Variants in CLU observed in about 807,000 individuals in gnomAD.
CLU encodes the protein clusterin.
CLU carries 25 observed loss-of-function variants against 46.4 expected under a neutral mutation model. That is an observed-to-expected ratio of 0.54 (90% CI 0.39 to 0.75). The LOEUF is 0.75. Ranked by LOEUF, CLU falls within the 30% of genes least tolerant of loss-of-function variation. CLU has a pLI of 0.00. For synonymous variants in CLU, 235 were observed against 235.1 expected, an observed-to-expected ratio of 1.00 and a Z score of 0.00; for missense variants, 504 against 592.1, an observed-to-expected ratio of 0.85 and a Z score of 1.54.
In CLU at chr8:27,605,219, G is replaced by C. The variant is rs1407927190; in HGVS notation, c.534C>G (p.Asp178Glu). The change falls in exon 5 of 9, where the codon GAC (aspartate) becomes GAG (glutamate). Residue 178 changes from aspartate (D) to glutamate (E), a missense_variant. Around this residue, in one of 3 missense-constraint regions of CLU, gnomAD observed 428 missense variants for 484.0 expected, o/e 0.88. Coordinates refer to ENST00000316403, the MANE Select transcript of CLU (RefSeq NM_001831.4). The part of the protein sequence containing the change: ...QQTHMLDVMQ[D>E]HFSRASSIID... ...TGATGCTGGACGCGCGGCTGAAGTG[G>C]TCCTGCATGACATCCAGCATGTGCG... 5 of 1,614,204 alleles carry C rather than the reference G, an allele frequency of 3.1e-6. 1 individual carries two copies. In the South Asian group the frequency reaches 5.5e-5, roughly 18 times the overall value.
At position 27,605,044 on chromosome 8, in the gene CLU, G is replaced by A. The variant is rs371557794; in HGVS notation, c.709C>T (p.Pro237Ser). The A allele has an allele frequency of 3.7e-6, 6 of 1,614,092 alleles. No individual in the cohort carries two copies. ...TGGAACATGGCGTGGAAGTTCAGGG[G>A]CTCGTACGGAGAGAAGGGCATCAAG... is the stretch of plus-strand genomic sequence containing the variant. ...RSLMPFSPYE[P>S]LNFHAMFQPF... is the part of the protein sequence containing the mutation. The change falls in exon 5 of 9, where the codon CCC (proline) becomes TCC (serine). Residue 237 changes from proline to serine, a missense_variant. By Grantham distance (74) the Pro-to-Ser change is moderately conservative. Transcript: ENST00000316403.
At position 27,605,072 on chromosome 8, in the gene CLU, G is replaced by A; in HGVS notation, c.681C>T (p.Arg227=). Residue 227 remains arginine, a synonymous_variant, in exon 5 of 9, where the codon CGC becomes CGT. Transcript: ENST00000316403. ...CGTACGGAGAGAAGGGCATCAAGCTGCGGACGATGCGGGACTTGGGAAAGA... is the reference window on the plus strand; with the variant it reads ...CGTACGGAGAGAAGGGCATCAAGCTACGGACGATGCGGGACTTGGGAAAGA... The part of the protein sequence containing the change: ...HFFFPKSRIV[R]SLMPFSPYEP... 1 of 1,614,134 alleles carries A rather than the reference G, an allele frequency of 6.2e-7. No individual in the cohort carries two copies. Among genetic ancestry groups the A allele is most frequent in the South Asian group, 1.1e-5 (1 of 91,074 alleles).
chr8:27,606,632 G>C, intron 3 of CLU, 108 bp from the exon 4 acceptor site: 3 of 1,343,746 alleles, frequency 2.2e-6, no homozygotes, highest in Non-Finnish European at 3.2e-6. Context: ...CTTCCCATAG[G>C]CTGGCCACCC....
At chr8:27,609,475 G>A (rs1163576360) in intron 2 of CLU, among the ~76,000 whole-genome samples, 4 of 152,038 alleles carry the variant, frequency 2.6e-5, no homozygotes, top group Non-Finnish European at 5.9e-5. Flanking sequence ...TCTTTCTAGA[G>A]TTCAGTTTAA....
rs933050630 is a variant in CLU at position 27,597,919 on chromosome 8, C to G, written c.*322G>C. On this transcript the variant is annotated 3_prime_UTR_variant, in exon 9 of 9. Coordinates refer to ENST00000316403, the MANE Select transcript of CLU (RefSeq NM_001831.4). The stretch of plus-strand genomic sequence containing the variant: ...TTGTTTCTACTTATTTTCCATCCCC[C>G]CTGCCTGCCCCCCATAGCAAAATGA... 1.7e-5 allele frequency: 10 copies of G among 587,650 alleles called. No homozygotes were observed. The highest frequency in any genetic ancestry group is 2.9e-5 in the Non-Finnish European group (9 of 314,914). The allele number at this position is 587,650 out of a possible 1,614,324, so 36.4% of individuals were successfully genotyped here.
chr8:27,613,081 G>A (rs988997082), intron 1 of CLU, among the ~76,000 whole-genome samples: 3 of 152,034 alleles, frequency 2.0e-5, no homozygotes, highest in Admixed American at 6.5e-5. Flanking sequence ...GGCAGGGCTG[G>A]AGGCTTAAGA....
chr8:27,608,630 C>T (rs577511728), intron 3 of CLU: 20 of 531,482 alleles, frequency 3.8e-5, no homozygotes, highest in African/African-American at 1.5e-4. Flanking sequence ...GGGCCCCTGC[C>T]GCCACCCCAT....
chr8:27,605,044 G>T lies in CLU; in HGVS notation c.709C>A (p.Pro237Thr), dbSNP rs371557794. 6.2e-7 allele frequency: 1 copy of T among 1,613,974 alleles called. No individual in the cohort carries two copies. Among genetic ancestry groups the T allele is most frequent in the Non-Finnish European group, 8.5e-7 (1 of 1,180,022 alleles). The change falls in exon 5 of 9, where the codon CCC (proline) becomes ACC (threonine). Residue 237 changes from proline to threonine, a missense_variant. Transcript: ENST00000316403. Reference sequence around the variant, plus strand: ...TGGAACATGGCGTGGAAGTTCAGGGGCTCGTACGGAGAGAAGGGCATCAAG... The same window carrying T: ...TGGAACATGGCGTGGAAGTTCAGGGTCTCGTACGGAGAGAAGGGCATCAAG... ...RSLMPFSPYE[P>T]LNFHAMFQPF...
At position 27,598,124 on chromosome 8, in the gene CLU, TG is replaced by T; in HGVS notation, c.*116del. ...GAGAGGCTGGGCGGAGTTGGGGGCC[TG>T]GAGGCTGGGGCCTGGTTACTTGGTG... On this transcript the variant is annotated 3_prime_UTR_variant, in exon 9 of 9. Coordinates refer to ENST00000316403, the MANE Select transcript of CLU (RefSeq NM_001831.4). 1 of 1,013,770 alleles carries T rather than the reference TG, an allele frequency of 9.9e-7. No individual in the cohort carries two copies. Among genetic ancestry groups the T allele is most frequent in the African/African-American group, 1.6e-5 (1 of 62,884 alleles). The allele number at this position is 1,013,770 out of a possible 1,614,324, so 62.8% of individuals were successfully genotyped here. A position where few individuals can be genotyped will look rare whatever the true frequency, so the allele number is the denominator to read the frequency against.
intron 2 of CLU, among the ~76,000 whole-genome samples, chr8:27,609,596 A>G (rs1453657059): frequency 6.6e-6 from 1 of 152,156 alleles, no homozygotes; most frequent in Non-Finnish European, 1.5e-5. Flanking sequence ...ACACTGTGTC[A>G]CCTAAGTGCT....
At chr8:27,607,567 T>C (rs1372756011) in intron 3 of CLU, among the ~76,000 whole-genome samples, 3 of 152,106 alleles carry the variant, frequency 2.0e-5, no homozygotes, top group Admixed American at 6.5e-5. Context: ...ATTTTGAATA[T>C]TATATGTTAA....
intron 2 of CLU, among the ~76,000 whole-genome samples, chr8:27,610,003 GTGGCCCAAAGTCACCCAGC>G (rs1052710016): frequency 3.9e-5 from 6 of 152,114 alleles, no homozygotes; most frequent in Admixed American, 6.5e-5. Flanking sequence ...GATCAAGATA[GTGGCCCAAAGTCACCCAGC>G]TGAGAAGAGG....
At position 27,608,982 on chromosome 8, in the gene CLU, T is replaced by G; in HGVS notation, c.202A>C (p.Lys68Gln). The change falls in exon 3 of 9, where the codon AAG (lysine) becomes CAG (glutamine). Residue 68 changes from lysine (K) to glutamine (Q), a missense_variant. Physicochemically the swap from Lys to Gln is moderately conservative, Grantham distance 53. This residue lies in a region of CLU where 73 missense variants were observed against 91.2 expected (regional missense o/e 0.80). Transcript: ENST00000316403. ...TCTTCTAGGTTGCTGAGCAGTGTCT[T>G]GCGCTCTTCGTTTGTTTTTTCTATG... is the stretch of plus-strand genomic sequence containing the variant. ...TLIEKTNEERKTLLSNLEEAK... is the reference protein window; with the variant it reads ...TLIEKTNEERQTLLSNLEEAK... 1 of 1,614,252 alleles carries G rather than the reference T, an allele frequency of 6.2e-7. No individual in the cohort carries two copies. The highest frequency in any genetic ancestry group is 1.3e-5 in the African/African-American group (1 of 75,080).
intron 1 of CLU, chr8:27,613,539 A>T (rs917207159): frequency 6.6e-6 from 1 of 152,240 alleles, no homozygotes; most frequent in African/African-American, 2.4e-5. Context: ...CTTCAAATGG[A>T]GAAAACTAAA....
At chr8:27,611,832 G>A (rs1300651558) in intron 1 of CLU, 1 of 449,662 alleles carries the variant, frequency 2.2e-6, no homozygotes, top group Non-Finnish European at 4.5e-6. Context: ...GGGCTCACCA[G>A]GAAGGCTGTG....
At chr8:27,606,239 G>A in intron 4 of CLU, 115 bp downstream of exon 4, 1 of 1,221,796 alleles carries the variant, frequency 8.2e-7, no homozygotes, top group Non-Finnish European at 1.2e-6. Context: ...ATGGCACTCT[G>A]GGCAAGCCAG....
Position 27,604,366 on chromosome 8 carries a change from C to T in CLU, c.859G>A (p.Glu287Lys), listed in dbSNP as rs777141082. Reference protein sequence around the residue: ...EGDDDRTVCREIRHNSTGCLR... With the variant: ...EGDDDRTVCRKIRHNSTGCLR... The stretch of plus-strand genomic sequence containing the variant: ...CAGCCCGTGGAGTTGTGGCGGATCT[C>T]CCGGCACACAGTCCGGTCATCGTCG... The change falls in exon 6 of 9, where the codon GAG (glutamate) becomes AAG (lysine). Residue 287 changes from glutamate to lysine, a missense_variant. Glu to Lys is a moderately conservative substitution (Grantham distance 56, BLOSUM62 1). This residue lies in a region of CLU where 428 missense variants were observed against 484.0 expected (regional missense o/e 0.88). Transcript: ENST00000316403. 3.7e-6 allele frequency: 6 copies of T among 1,614,074 alleles called. No homozygotes were observed. In the African/African-American group the frequency reaches 6.7e-5, roughly 18 times the overall value.
intron 6 of CLU, among the ~76,000 whole-genome samples, chr8:27,603,040 T>C (rs1800749692): frequency 6.6e-6 from 1 of 152,156 alleles, no homozygotes; most frequent in Non-Finnish European, 1.5e-5. Flanking sequence ...ACGCCAGCTA[T>C]AATCAATGAC....
In CLU at chr8:27,597,823, T is replaced by TCCCTTTTATTCTTCA. The variant is rs779751214; in HGVS notation, c.*403_*417dup. On this transcript the variant is annotated 3_prime_UTR_variant, in exon 9 of 9. Transcript: ENST00000316403. ...GAAGTGGATCAACCTTGTCATCATA[T>TCCCTTTTATTCTTCA]CCCTTTTATTCTTCACCCTTTTATT... is the stretch of plus-strand genomic sequence containing the variant. 21 of 465,694 alleles carry TCCCTTTTATTCTTCA rather than the reference T, an allele frequency of 4.5e-5. No individual in the cohort carries two copies. The highest frequency in any genetic ancestry group is 2.6e-4 in the African/African-American group (13 of 50,612). The allele number at this position is 465,694 out of a possible 1,614,324, so 28.8% of individuals were successfully genotyped here.
Sources: allele counts gnomAD v4.1 joint callset (sites outside exome capture counted in the v4.1 genomes callset), GRCh38; gene constraint gnomAD v4.1.1; regional missense constraint gnomAD v4.1.1; transcripts MANE v1.5; gene names NCBI Gene and HGNC (gene_info 2026-07-23, HGNC 2026-07-21).